The following DPYD variants were observed in gnomAD, a reference collection of about 807,000 sequenced individuals.
DPYD encodes the protein dihydropyrimidine dehydrogenase.
A neutral mutation model predicts 116.2 loss-of-function variants in DPYD; 109 were observed. The observed-to-expected ratio is 0.94, with a 90% confidence interval of 0.80 to 1.10. The LOEUF is 1.10. Ranked by LOEUF, DPYD falls within the 50% of genes least tolerant of loss-of-function variation. DPYD has a pLI of 0.00. For synonymous variants in DPYD, 440 were observed against 432.0 expected (o/e 1.02, Z -0.23); for missense variants, 1,302 against 1,254.5 (o/e 1.04, Z -0.57).
At chr1:97,160,104 T>G (rs1655779544) in intron 20 of DPYD, among the ~76,000 whole-genome samples, 1 of 152,132 alleles carries the variant, frequency 6.6e-6, no homozygotes. Context: ...AATAGTTTTA[T>G]ATTTACAGTG....
Position 97,721,576 on chromosome 1 carries a change from T to C in DPYD, c.417A>G (p.Gly139=), listed in dbSNP as rs751448860. 10 of 1,611,774 alleles carry C rather than the reference T, an allele frequency of 6.2e-6. No individual in the cohort carries two copies. The African/African-American group carries it at 1.2e-4, about 19-fold the overall frequency. Residue 139 remains glycine, a synonymous_variant, in exon 5 of 23, where the codon GGA becomes GGG. Coordinates refer to ENST00000370192, the MANE Select transcript of DPYD (RefSeq NM_000110.4). Reference sequence around the variant, plus strand: ...CCTCTTCAGTGGCATATAAATTGCATCCACCTACACAAAGATCAGAGGTTG... The same window carrying C: ...CCTCTTCAGTGGCATATAAATTGCACCCACCTACACAAAGATCAGAGGTTG... The part of the protein sequence containing the change: ...VCPTSDLCVG[G]CNLYATEEGP...
intron 2 of DPYD, among the ~76,000 whole-genome samples, chr1:97,857,710 TTC>T (rs1190525886): frequency 6.6e-6 from 1 of 152,124 alleles, no homozygotes; most frequent in East Asian, 1.9e-4. Context: ...AAACAAGTGT[TTC>T]TCTGAGTCCT....
At chr1:97,503,287 A>G (rs1679698591) in intron 13 of DPYD, among the ~76,000 whole-genome samples, 1 of 152,042 alleles carries the variant, frequency 6.6e-6, no homozygotes. Flanking sequence ...TAAAAGCCAT[A>G]TACTAAGTGG....
At chr1:97,198,823 G>A (rs1395156651) in intron 19 of DPYD, among the ~76,000 whole-genome samples, 1 of 152,110 alleles carries the variant, frequency 6.6e-6, no homozygotes, top group Non-Finnish European at 1.5e-5. Context: ...CTATATGTGT[G>A]AATATCCCTA....
intron 21 of DPYD, among the ~76,000 whole-genome samples, chr1:97,082,671 A>G (rs1252861555): frequency 6.6e-6 from 1 of 152,168 alleles, no homozygotes; most frequent in Non-Finnish European, 1.5e-5. Flanking sequence ...GGCAATATGC[A>G]TGCCTGGCTT....
Position 97,373,635 on chromosome 1 carries a change from C to T in DPYD, c.1984G>A (p.Ala662Thr), listed in dbSNP as rs1671426656. The change falls in exon 16 of 23, where the codon GCA becomes ACA. Residue 662 changes from alanine (A) to threonine (T), a missense_variant. By Grantham distance (58) the Ala-to-Thr change is moderately conservative. Coordinates refer to ENST00000370192, the MANE Select transcript of DPYD (RefSeq NM_000110.4). ...GATAAATTTAACTCCAGGGCATCTG[C>T]TCCAGAATCCTTTAAACAAGAAAGG... ...ELAKKSEDSG[A>T]DALELNLSCP... 6.2e-7 allele frequency: 1 copy of T among 1,613,602 alleles called. No individual in the cohort carries two copies. The highest frequency in any genetic ancestry group is 8.5e-7 in the Non-Finnish European group (1 of 1,179,708).
At chr1:97,461,148 G>A (rs976158020) in intron 13 of DPYD, among the ~76,000 whole-genome samples, 1 of 151,852 alleles carries the variant, frequency 6.6e-6, no homozygotes, top group African/African-American at 2.4e-5. Flanking sequence ...TTTCAGTTCA[G>A]TTCCTTCTTT....
chr1:97,432,633 C>T (rs764166241), intron 14 of DPYD, among the ~76,000 whole-genome samples: 7 of 152,018 alleles, frequency 4.6e-5, no homozygotes, highest in Non-Finnish European at 2.9e-5. Flanking sequence ...TTGGGCCACA[C>T]TTTTTTTCCC....
At chr1:97,273,534 C>A (rs1664733345) in intron 18 of DPYD, among the ~76,000 whole-genome samples, 1 of 152,100 alleles carries the variant, frequency 6.6e-6, no homozygotes, top group Non-Finnish European at 1.5e-5. Flanking sequence ...GTTTACCTGT[C>A]ATGGACTTTA....
intron 12 of DPYD, among the ~76,000 whole-genome samples, chr1:97,526,954 T>G (rs1297534379): frequency 6.6e-6 from 1 of 152,228 alleles, no homozygotes; most frequent in African/African-American, 2.4e-5. Flanking sequence ...ATTCTCCTAT[T>G]GAAGATGAGG....
At position 97,079,106 on chromosome 1, in the gene DPYD, G is replaced by A. The variant is rs61757362; in HGVS notation, c.2948C>T (p.Thr983Ile). 17 of 1,613,568 alleles carry A rather than the reference G, an allele frequency of 1.1e-5. No individual in the cohort carries two copies. Among genetic ancestry groups the A allele is most frequent in the Admixed American group, 6.7e-5 (4 of 59,972 alleles). Residue 983 changes from threonine (T) to isoleucine (I), a missense_variant, in exon 23 of 23, where the codon ACC becomes ATC. Thr to Ile is a moderately conservative substitution (Grantham distance 89). Transcript: ENST00000370192. The stretch of plus-strand genomic sequence containing the variant: ...CAGAGTACAGCCTGTACAAGTGTCG[G>A]TTATGGTGGGCAGGTGGGTTTCTGG... ...FDPETHLPTI[T>I]DTCTGCTLCL... is the part of the protein sequence containing the mutation.
At chr1:97,623,963 T>C (rs1656779164) in intron 8 of DPYD, among the ~76,000 whole-genome samples, 1 of 151,754 alleles carries the variant, frequency 6.6e-6, no homozygotes, top group Non-Finnish European at 1.5e-5. Flanking sequence ...TTGCACCATA[T>C]AAAAAACCAA....
chr1:97,272,019 G>A (rs1664611075), intron 18 of DPYD, among the ~76,000 whole-genome samples: 1 of 152,096 alleles, frequency 6.6e-6, no homozygotes, highest in Non-Finnish European at 1.5e-5. Flanking sequence ...TAGAGCAACA[G>A]ACTTTGTCAA....
intron 18 of DPYD, among the ~76,000 whole-genome samples, chr1:97,304,213 T>A (rs1034633069): frequency 6.6e-6 from 1 of 152,020 alleles, no homozygotes; most frequent in East Asian, 1.9e-4. Context: ...AGCCCAACTC[T>A]GGAGTCTCTT....
chr1:97,251,944 A>G (rs1663128126), intron 18 of DPYD, among the ~76,000 whole-genome samples: 1 of 152,150 alleles, frequency 6.6e-6, no homozygotes, highest in African/African-American at 2.4e-5. Context: ...GTTAACATAT[A>G]ATGAGAATGT....
In DPYD at chr1:97,482,126, G is replaced by A. The variant is rs149314361; in HGVS notation, c.1741-31903C>T. Among the ~76,000 whole-genome samples the A allele has an allele frequency of 2.0e-3, 298 of 152,152 alleles. 5 individuals are homozygous for A. Among genetic ancestry groups the A allele is most frequent in the African/African-American group, 6.2e-3 (257 of 41,504 alleles). ...ACAACAATTGAACAAGCGTAGTGCT[G>A]GTATTGAAAGAGGAGTCTAAGGGGT... On this transcript the variant is annotated intron_variant, in intron 13 of 22. Coordinates refer to ENST00000370192, the MANE Select transcript of DPYD (RefSeq NM_000110.4).
chr1:97,725,952 C>T (rs1482374519), intron 4 of DPYD, among the ~76,000 whole-genome samples: 1 of 151,300 alleles, frequency 6.6e-6, no homozygotes, highest in Non-Finnish European at 1.5e-5. Context: ...GTCAACTTCA[C>T]TTACATGAAC....
At chr1:97,776,386 G>C (rs1470511476) in intron 3 of DPYD, among the ~76,000 whole-genome samples, 8 of 152,082 alleles carry the variant, frequency 5.3e-5, no homozygotes, top group Admixed American at 3.9e-4. Context: ...CCATATCTCT[G>C]AAGTTATCAC....
At chr1:97,659,795 A>T (rs751672447) in intron 8 of DPYD, among the ~76,000 whole-genome samples, 1 of 152,142 alleles carries the variant, frequency 6.6e-6, no homozygotes, top group African/African-American at 2.4e-5. Context: ...CGAGTCATAC[A>T]TACATTTTCT....
Sources: allele counts gnomAD v4.1 joint callset (sites outside exome capture counted in the v4.1 genomes callset), GRCh38; gene constraint gnomAD v4.1.1; transcripts MANE v1.5; gene names NCBI Gene and HGNC (gene_info 2026-07-23, HGNC 2026-07-21).